Variants in SLC8A3 observed in about 807,000 individuals in gnomAD.
SLC8A3 encodes the protein solute carrier family 8 member A3.
A neutral mutation model predicts 65.4 loss-of-function variants in SLC8A3; 37 were observed. The ratio of observed to expected loss-of-function variants is 0.57; its 90% CI spans 0.44 to 0.74. The LOEUF is 0.74. SLC8A3 is among the 30% of genes least tolerant of loss of function. The probability of loss-of-function intolerance (pLI) is 0.00; values close to 1 mark genes in which losing one functional copy is unlikely to be tolerated. For synonymous variants in SLC8A3, 461 were observed against 444.5 expected (o/e 1.04, Z -0.47); for missense variants, 1,112 against 1,172.1 (o/e 0.95, Z 0.75).
chr14:70,104,482 T>C (rs911772060), intron 2 of SLC8A3, among the ~76,000 whole-genome samples: 1 of 152,194 alleles, frequency 6.6e-6, no homozygotes, highest in Non-Finnish European at 1.5e-5. Context: ...TTGTATATTC[T>C]TGATGAATCA....
chr14:70,131,474 G>GC (rs1894826296), intron 2 of SLC8A3, among the ~76,000 whole-genome samples: 1 of 152,194 alleles, frequency 6.6e-6, no homozygotes, highest in South Asian at 2.1e-4. Flanking sequence ...ATAAAAGCTA[G>GC]CCCACAGGGT....
At chr14:70,135,711 G>A (rs952363888) in intron 2 of SLC8A3, among the ~76,000 whole-genome samples, 2 of 152,016 alleles carry the variant, frequency 1.3e-5, no homozygotes, top group South Asian at 2.1e-4. Context: ...ATTTCATGGT[G>A]GTAGAGAGTA....
At chr14:70,123,451 A>AT (rs138400053) in intron 2 of SLC8A3, among the ~76,000 whole-genome samples, 63,261 of 143,420 alleles carry the variant, frequency 0.44, 14,442 homozygotes, top group East Asian at 0.55. Context: ...TTTCCTGTCT[A>AT]TTTTTTTTTT....
chr14:70,165,003 T>C (rs1480469169), intron 2 of SLC8A3, among the ~76,000 whole-genome samples: 3 of 152,228 alleles, frequency 2.0e-5, no homozygotes, highest in Admixed American at 2.0e-4. Context: ...AATTTGTCAA[T>C]GGCCATTTCC....
At chr14:70,151,599 G>A (rs1201960845) in intron 2 of SLC8A3, among the ~76,000 whole-genome samples, 3 of 152,214 alleles carry the variant, frequency 2.0e-5, no homozygotes, top group African/African-American at 7.2e-5. Context: ...ATGGAATGCT[G>A]GAGTAGGCAT....
chr14:70,122,541 C>T (rs931459484), intron 2 of SLC8A3, among the ~76,000 whole-genome samples: 3 of 152,122 alleles, frequency 2.0e-5, no homozygotes, highest in African/African-American at 4.8e-5. Flanking sequence ...CTCCTCTGTA[C>T]GATGGGTAGT....
At chr14:70,140,509 C>T (rs746840853) in intron 2 of SLC8A3, among the ~76,000 whole-genome samples, 1 of 152,160 alleles carries the variant, frequency 6.6e-6, no homozygotes, top group South Asian at 2.1e-4. Flanking sequence ...GCAGGATATA[C>T]TAGGAGGGAC....
At chr14:70,075,272 G>T (rs143209436) in intron 2 of SLC8A3, among the ~76,000 whole-genome samples, 1 of 152,060 alleles carries the variant, frequency 6.6e-6, no homozygotes. Flanking sequence ...CTCTCTGTTC[G>T]TCTCTTCCTT....
At chr14:70,122,134 C>G (rs191713523) in intron 2 of SLC8A3, among the ~76,000 whole-genome samples, 253 of 152,278 alleles carry the variant, frequency 1.7e-3, no homozygotes, top group African/African-American at 5.9e-3. Flanking sequence ...AAAAGAAGAG[C>G]TATTTCAGAG....
chr14:70,167,828 G>A lies in SLC8A3; in HGVS notation c.595C>T (p.His199Tyr). ...IPDGETRKIKHLRVFFITAAW... is the reference protein window; with the variant it reads ...IPDGETRKIKYLRVFFITAAW... ...GCGGTGATGAAGAAGACTCGTAGATGCTTGATCTTGCGAGTCTCTCCGTCT... is the reference window on the plus strand; with the variant it reads ...GCGGTGATGAAGAAGACTCGTAGATACTTGATCTTGCGAGTCTCTCCGTCT... The change falls in exon 2 of 7, where the codon CAT (histidine) becomes TAT (tyrosine). Residue 199 changes from histidine to tyrosine, a missense_variant. By Grantham distance (83) the His-to-Tyr change is moderately conservative (BLOSUM62 2). Coordinates refer to ENST00000356921, the MANE Select transcript of SLC8A3 (RefSeq NM_182932.3). The A allele has an allele frequency of 6.2e-7, 1 of 1,613,948 alleles. No individual in the cohort carries two copies.
At chr14:70,100,666 C>A (rs1483679561) in intron 2 of SLC8A3, among the ~76,000 whole-genome samples, 1 of 152,118 alleles carries the variant, frequency 6.6e-6, no homozygotes, top group Non-Finnish European at 1.5e-5. Flanking sequence ...CATAAAAAGC[C>A]TACATGATTC....
At chr14:70,140,075 C>G (rs1162774841) in intron 2 of SLC8A3, among the ~76,000 whole-genome samples, 1 of 152,098 alleles carries the variant, frequency 6.6e-6, no homozygotes, top group Admixed American at 6.5e-5. Context: ...CATTTTGCAC[C>G]TAATACCTTT....
intron 5 of SLC8A3, among the ~76,000 whole-genome samples, chr14:70,049,303 AAGG>A (rs1001404120): frequency 7.2e-5 from 11 of 152,196 alleles, no homozygotes; most frequent in African/African-American, 2.4e-4. Context: ...GAGAAGAAAG[AAGG>A]AGATTAAGAG....
At position 70,062,407 on chromosome 14, in the gene SLC8A3, G is replaced by A. The variant is rs549890144; in HGVS notation, c.1785-1468C>T. ...GTGGTCCCATAAGGCTATATACTAC[G>A]ATATTTTTACTGTGCCTTTTCTATG... On this transcript the variant is annotated intron_variant, in intron 2 of 6. Transcript: ENST00000356921. Among the ~76,000 whole-genome samples, 4 of 152,220 alleles carry A rather than the reference G, an allele frequency of 2.6e-5. No homozygotes were observed. The East Asian group carries it at 5.8e-4, about 22-fold the overall frequency.
At chr14:70,064,791 T>C (rs1399436475) in intron 2 of SLC8A3, among the ~76,000 whole-genome samples, 2 of 152,234 alleles carry the variant, frequency 1.3e-5, no homozygotes, top group Admixed American at 1.3e-4. Context: ...AGTTTGTTAA[T>C]ATAAACATTT....
chr14:70,062,277 T>C (rs1173559605), intron 2 of SLC8A3, among the ~76,000 whole-genome samples: 8 of 152,168 alleles, frequency 5.3e-5, no homozygotes, highest in African/African-American at 1.9e-4. Flanking sequence ...CAAAGGGGCT[T>C]GTAGGGCACA....
chr14:70,107,883 A>G (rs1892983098), intron 2 of SLC8A3, among the ~76,000 whole-genome samples: 1 of 152,090 alleles, frequency 6.6e-6, no homozygotes, highest in Non-Finnish European at 1.5e-5. Flanking sequence ...TTCCTTTCCA[A>G]AAACCTCCTT....
chr14:70,123,739 C>A (rs1003820111), intron 2 of SLC8A3, among the ~76,000 whole-genome samples: 1 of 152,114 alleles, frequency 6.6e-6, no homozygotes, highest in Admixed American at 6.5e-5. Flanking sequence ...CGTGAGCCAC[C>A]GTGCCCAGCC....
chr14:70,151,821 T>G (rs986794054), intron 2 of SLC8A3, among the ~76,000 whole-genome samples: 2 of 152,140 alleles, frequency 1.3e-5, no homozygotes, highest in African/African-American at 4.8e-5. Context: ...CTAGCAATCC[T>G]TGGAGTTCCT....
Sources: gnomAD v4.1 joint callset for allele counts (sites outside exome capture counted in the v4.1 genomes callset) on GRCh38, gnomAD v4.1.1 for gene constraint, MANE v1.5 for transcripts, NCBI Gene and HGNC (gene_info 2026-07-23, HGNC 2026-07-21) for gene names.